The following ICA1 variants were observed in gnomAD, a reference collection of about 807,000 sequenced individuals.
ICA1 encodes islet cell autoantigen 1.
ICA1 carries 40 observed loss-of-function variants against 71.0 expected under a neutral mutation model. The observed-to-expected ratio is 0.56, with a 90% CI of 0.44 to 0.73. The LOEUF is 0.73. Ranked by LOEUF, ICA1 falls within the 30% of genes least tolerant of loss-of-function variation. The pLI, the probability that ICA1 is intolerant of heterozygous loss-of-function variation, is 0.00. For synonymous variants in ICA1, 207 were observed against 209.5 expected (o/e 0.99, Z 0.10); for missense variants, 578 against 576.5 (o/e 1.00, Z -0.03).
rs953493732 is a variant in ICA1 at position 8,222,605 on chromosome 7, T to A, written c.257-1207A>T. Among the ~76,000 whole-genome samples, 5 of 152,204 alleles carry A rather than the reference T, an allele frequency of 3.3e-5. No individual in the cohort carries two copies. Among genetic ancestry groups the A allele is most frequent in the Non-Finnish European group, 7.3e-5 (5 of 68,032 alleles). Reference sequence around the variant, plus strand: ...CAAAGGTGAAGGCTAAACTCGATACTGCTACCTTATTAATTTGTGACTATA... The same window carrying A: ...CAAAGGTGAAGGCTAAACTCGATACAGCTACCTTATTAATTTGTGACTATA... On this transcript the variant is annotated intron_variant, in intron 4 of 13. Transcript: ENST00000402384. The surrounding 1 kb of genome is among the most constrained non-coding windows in gnomAD (Gnocchi z 4.8).
rs530118335 is a variant in ICA1, at chr7:8,215,423, T to A, written c.579+2882A>T. 9.2e-5 allele frequency among the ~76,000 whole-genome samples: 14 copies of A among 152,284 alleles called. No homozygotes were observed. In the South Asian group the frequency reaches 2.1e-3, roughly 23 times the overall value. ...CCTCCAGGAAGCCCCTTCCAGGAGC[T>A]CCTGCAGCACCACGTGCCACCATAG... On this transcript the variant is annotated intron_variant, in intron 6 of 13. Coordinates refer to ENST00000402384, the MANE Select transcript of ICA1 (RefSeq NM_001136020.3).
At chr7:8,212,073 A>C (rs1172244485) in intron 6 of ICA1, among the ~76,000 whole-genome samples, 1 of 152,192 alleles carries the variant, frequency 6.6e-6, no homozygotes, top group African/African-American at 2.4e-5. Context: ...TGTCCAATAA[A>C]TTCACCCAAT....
chr7:8,128,744 T>TA (rs1247170761), intron 12 of ICA1, among the ~76,000 whole-genome samples: 1 of 152,204 alleles, frequency 6.6e-6, no homozygotes, highest in Non-Finnish European at 1.5e-5. Flanking sequence ...CTGGTTTGCC[T>TA]AAGTGCCTTT....
intron 2 of ICA1, among the ~76,000 whole-genome samples, chr7:8,233,591 T>A (rs1049517312): frequency 1.3e-5 from 2 of 152,020 alleles, no homozygotes; most frequent in African/African-American, 4.8e-5. Context: ...AGATGGGGTT[T>A]CACTATGTTG....
chr7:8,227,850 T>C (rs1325204689), intron 4 of ICA1: 2 of 452,508 alleles, frequency 4.4e-6, no homozygotes, highest in African/African-American at 2.0e-5. Context: ...CCTCCTAAAA[T>C]GCTGGGATTA....
chr7:8,158,409 C>T (rs3815488), intron 7 of ICA1, 118 bp downstream of exon 7: 58,892 of 1,264,076 alleles, frequency 0.047, 1,904 homozygotes, highest in South Asian at 0.13. Context: ...AGTGAAATTA[C>T]GGAAAGGCAT....
At chr7:8,159,783 A>G (rs1562754828) in intron 6 of ICA1, among the ~76,000 whole-genome samples, 1 of 152,202 alleles carries the variant, frequency 6.6e-6, no homozygotes, top group Non-Finnish European at 1.5e-5. Context: ...CCTTCAATCT[A>G]TAGTGTCAAC....
intron 1 of ICA1, among the ~76,000 whole-genome samples, chr7:8,240,692 A>G (rs1803483661): frequency 6.6e-6 from 1 of 152,326 alleles, no homozygotes; most frequent in Admixed American, 6.5e-5. Flanking sequence ...TGAGTAACTC[A>G]AATAAACAGT....
rs1018142768 is a variant in ICA1, at chr7:8,123,825, A to G, written c.1330+4048T>C. On this transcript the variant is annotated intron_variant, in intron 13 of 13. Transcript: ENST00000402384. This position sits in a 1 kb window ranked among gnomAD's most constrained non-coding sequence, Gnocchi z 4.1. ...CTCAGAGACTGTACTGAGAGGCCAG[A>G]GAAGGGAATGGTGAAAGGCATGGAT... Among the ~76,000 whole-genome samples, 3 of 152,340 alleles carry G rather than the reference A, an allele frequency of 2.0e-5. No homozygotes were observed. The South Asian group carries it at 6.2e-4, about 32-fold the overall frequency.
intron 6 of ICA1, among the ~76,000 whole-genome samples, chr7:8,190,898 A>G (rs1395157051): frequency 1.3e-5 from 2 of 152,224 alleles, no homozygotes; most frequent in Non-Finnish European, 2.9e-5. Context: ...GCTTTGACTT[A>G]GTGCAGAAAA....
chr7:8,173,144 G>A lies in ICA1; in HGVS notation c.580-14492C>T, dbSNP rs1202256734. ...CTAACTTAGAAGCAATGAGGTCACGGCCTCTGACTATCATGTCCCCTCTCT... is the reference window on the plus strand; with the variant it reads ...CTAACTTAGAAGCAATGAGGTCACGACCTCTGACTATCATGTCCCCTCTCT... On this transcript the variant is annotated intron_variant, in intron 6 of 13. Coordinates refer to ENST00000402384, the MANE Select transcript of ICA1 (RefSeq NM_001136020.3). This position sits in a 1 kb window ranked among gnomAD's most constrained non-coding sequence, Gnocchi z 4.0. Among the ~76,000 whole-genome samples the A allele has an allele frequency of 1.3e-5, 2 of 152,140 alleles. No homozygotes were observed. Among genetic ancestry groups the A allele is most frequent in the African/African-American group, 4.8e-5 (2 of 41,452 alleles).
intron 6 of ICA1, among the ~76,000 whole-genome samples, chr7:8,209,990 A>C (rs1180500381): frequency 6.6e-6 from 1 of 152,206 alleles, no homozygotes; most frequent in Non-Finnish European, 1.5e-5. Context: ...GAGGTAGGTC[A>C]GAGCCAGCCT....
intron 6 of ICA1, among the ~76,000 whole-genome samples, chr7:8,209,867 A>G (rs1450559939): frequency 6.6e-6 from 1 of 152,184 alleles, no homozygotes; most frequent in Non-Finnish European, 1.5e-5. Context: ...GAATGGGGTG[A>G]ATGGCACAGA....
At position 8,157,176 on chromosome 7, in the gene ICA1, A is replaced by T; in HGVS notation, c.744T>A (p.Thr248=). 1 of 1,607,994 alleles carries T rather than the reference A, an allele frequency of 6.2e-7. No individual in the cohort carries two copies. The highest frequency in any genetic ancestry group is 8.5e-7 in the Non-Finnish European group (1 of 1,178,428). ...TGAAACTCTCATGGATGGCTGCCAT[A>T]GTGTGAGAAGTTTTCTCCCAAAAAT... ...LLHFWEKTSH[T]MAAIHESFKG... is the part of the protein sequence containing the mutation. The change falls in exon 8 of 14, where the codon ACT becomes ACA. Residue 248 remains threonine (T), a synonymous_variant. Coordinates refer to ENST00000402384, the MANE Select transcript of ICA1 (RefSeq NM_001136020.3).
At chr7:8,147,052 A>G (rs1168664926) in intron 8 of ICA1, among the ~76,000 whole-genome samples, 1 of 151,776 alleles carries the variant, frequency 6.6e-6, no homozygotes, top group Non-Finnish European at 1.5e-5. Context: ...TGGTTTGCTC[A>G]ATTATCTTCT....
chr7:8,180,342 G>T (rs759472188), intron 6 of ICA1, among the ~76,000 whole-genome samples: 40 of 151,978 alleles, frequency 2.6e-4, no homozygotes, highest in Non-Finnish European at 3.5e-4. Flanking sequence ...CCATAGTACT[G>T]CAATATAGTA....
intron 6 of ICA1, among the ~76,000 whole-genome samples, chr7:8,206,426 T>C (rs1366581625): frequency 6.6e-6 from 1 of 152,154 alleles, no homozygotes; most frequent in African/African-American, 2.4e-5. Context: ...CTCTTCCCTT[T>C]ATTATTATTA....
chr7:8,252,452 T>A (rs1019457801), intron 1 of ICA1, among the ~76,000 whole-genome samples: 2 of 152,202 alleles, frequency 1.3e-5, no homozygotes, highest in African/African-American at 4.8e-5. Context: ...ATTTTCTTTT[T>A]ATGGAAGAAT....
chr7:8,185,822 AGT>A (rs1465596173), intron 6 of ICA1, among the ~76,000 whole-genome samples: 1 of 152,226 alleles, frequency 6.6e-6, no homozygotes, highest in Non-Finnish European at 1.5e-5. Flanking sequence ...TGGTATCTAA[AGT>A]GTATATTGAT....
Sources: gnomAD v4.1 joint callset for allele counts (sites outside exome capture counted in the v4.1 genomes callset) on GRCh38, gnomAD v4.1.1 for gene constraint, Gnocchi (gnomAD v3.1) non-coding constraint, MANE v1.5 for transcripts, NCBI Gene and HGNC (gene_info 2026-07-23, HGNC 2026-07-21) for gene names.